Variants in CKAP5 observed in about 807,000 individuals in gnomAD.
CKAP5 encodes the protein cytoskeleton-associated protein 5.
CKAP5 carries 27 observed loss-of-function variants against 232.8 expected under a neutral mutation model. The observed-to-expected ratio is 0.12, with a 90% confidence interval of 0.09 to 0.16. CKAP5 has a LOEUF of 0.16. Ranked by LOEUF, CKAP5 falls within the 10% of genes least tolerant of loss-of-function variation. The pLI, the probability that CKAP5 is intolerant of heterozygous loss-of-function variation, is 1.00. For missense variants in CKAP5, 1,838 were observed against 2,424.7 expected (o/e 0.76, Z 5.08); for synonymous variants, 785 against 841.1 (o/e 0.93, Z 1.16).
chr11:46,754,019 G>A (rs953636750), intron 36 of CKAP5, among the ~76,000 whole-genome samples: 1 of 151,214 alleles, frequency 6.6e-6, no homozygotes, highest in African/African-American at 2.4e-5. Flanking sequence ...TTTTTTTTGA[G>A]ACAGAGTCTT....
chr11:46,762,385 T>C, intron 31 of CKAP5, 192 bp from the exon 32 acceptor site: 1 of 853,066 alleles, frequency 1.2e-6, no homozygotes, highest in Non-Finnish European at 2.0e-6. Context: ...AAGGAAGAGA[T>C]GCCTGTGAGT....
chr11:46,763,812 ATCT>A (rs2065177149), intron 28 of CKAP5, among the ~76,000 whole-genome samples, 182 bp from the exon 29 acceptor site: 1 of 152,200 alleles, frequency 6.6e-6, no homozygotes, highest in African/African-American at 2.4e-5. Flanking sequence ...AACTCTGAAA[ATCT>A]TCTAGGAATA....
intron 1 of CKAP5, among the ~76,000 whole-genome samples, chr11:46,829,859 T>C (rs911487158): frequency 6.6e-6 from 1 of 151,486 alleles, no homozygotes; most frequent in African/African-American, 2.4e-5. Context: ...TGTGTGTGTG[T>C]GTGTGTGTGT....
chr11:46,843,728 GAAA>G (rs11362980), intron 1 of CKAP5, among the ~76,000 whole-genome samples: 16 of 107,538 alleles, frequency 1.5e-4, no homozygotes, highest in Non-Finnish European at 1.9e-4. Context: ...AGATCTGATT[GAAA>G]AAAAAAAAAA....
At position 46,783,266 on chromosome 11, in the gene CKAP5, T is replaced by G. The variant is rs200108598; in HGVS notation, c.2249+8A>C. The G allele has an allele frequency of 1.8e-4, 269 of 1,530,178 alleles. No homozygotes were observed. In the Middle Eastern group the frequency reaches 2.2e-3, roughly 13 times the overall value. 94.8% of individuals were successfully genotyped at this position (1,530,178 alleles called of 1,614,324 possible). On this transcript the variant is annotated splice_region_variant and intron_variant, in intron 18 of 43. Transcript: ENST00000529230. ...AACTATTTTCCACTTGATTTCGTTC[T>G]GACTTACCCAGAAAAACCAAATTCT... is the stretch of plus-strand genomic sequence containing the variant.
At chr11:46,747,074 T>C (rs2065027974) in intron 42 of CKAP5, among the ~76,000 whole-genome samples, 1 of 150,462 alleles carries the variant, frequency 6.6e-6, no homozygotes, top group South Asian at 2.1e-4. Flanking sequence ...GAGGTGGAGG[T>C]TGCAGTGAGC....
chr11:46,801,641 G>A (rs1339978541), intron 8 of CKAP5, among the ~76,000 whole-genome samples: 1 of 151,768 alleles, frequency 6.6e-6, no homozygotes, highest in Admixed American at 6.6e-5. Context: ...TTGCACTCCA[G>A]CCTGGGCAAC....
chr11:46,813,789 T>TG (rs1459918800), intron 4 of CKAP5, among the ~76,000 whole-genome samples: 4 of 152,026 alleles, frequency 2.6e-5, no homozygotes, highest in African/African-American at 9.7e-5. Context: ...AGCTAAAAAA[T>TG]GAAATAACCA....
intron 1 of CKAP5, among the ~76,000 whole-genome samples, chr11:46,825,453 T>G (rs1027761659): frequency 6.6e-6 from 1 of 152,216 alleles, no homozygotes; most frequent in African/African-American, 2.4e-5. Flanking sequence ...TTCCTGTATT[T>G]TGATAGTCTA....
Position 46,760,720 on chromosome 11 carries a change from G to C in CKAP5, c.4286C>G (p.Ala1429Gly), listed in dbSNP as rs528222087. The C allele has an allele frequency of 5.0e-6, 8 of 1,614,208 alleles. No homozygotes were observed. The African/African-American group carries it at 1.1e-4, about 22-fold the overall frequency. The change falls in exon 33 of 44, where the codon GCT becomes GGT. Residue 1429 changes from alanine to glycine, a missense_variant. This residue lies in a region of CKAP5 where 579 missense variants were observed against 843.2 expected (regional missense o/e 0.69). Transcript: ENST00000529230. ...RIKRSAKRPS[A>G]APIKQVEEKP... ...CTCTTCCACCTGTTTTATTGGTGCA[G>C]CAGAGGGTCTCTTTGCTGACCGCTT...
At chr11:46,796,676 C>T (rs1011175320) in intron 12 of CKAP5, 136 bp downstream of exon 12, 75 of 928,246 alleles carry the variant, frequency 8.1e-5, no homozygotes, top group Non-Finnish European at 1.2e-4. Context: ...TTCTTTCCTA[C>T]TATAAATGGC....
chr11:46,797,607 A>T (rs945239823), intron 11 of CKAP5, among the ~76,000 whole-genome samples, 198 bp downstream of exon 11: 1 of 152,236 alleles, frequency 6.6e-6, no homozygotes, highest in Non-Finnish European at 1.5e-5. Flanking sequence ...TAATGGAATC[A>T]TAACACTAAC....
At chr11:46,784,428 C>T in intron 17 of CKAP5, 60 bp downstream of exon 17, 1 of 1,375,624 alleles carries the variant, frequency 7.3e-7, no homozygotes, top group Non-Finnish European at 1.0e-6. Flanking sequence ...AATTAGTAAG[C>T]TTAAAGTTTG....
At chr11:46,791,638 T>TA (rs1306390399) in intron 13 of CKAP5, among the ~76,000 whole-genome samples, 1 of 152,152 alleles carries the variant, frequency 6.6e-6, no homozygotes, top group African/African-American at 2.4e-5. Flanking sequence ...CATGTCACTA[T>TA]ACTCTGGCTT....
chr11:46,796,877 T>C lies in CKAP5; in HGVS notation c.1402A>G (p.Lys468Glu). The change falls in exon 12 of 44, where the codon AAG (lysine) becomes GAG (glutamate). Residue 468 changes from lysine (K) to glutamate (E), a missense_variant. By Grantham distance (56) the Lys-to-Glu change is moderately conservative (BLOSUM62 1). Around this residue, in one of 6 missense-constraint regions of CKAP5, gnomAD observed 767 missense variants for 954.6 expected, o/e 0.80. Coordinates refer to ENST00000529230, the MANE Select transcript of CKAP5 (RefSeq NM_001008938.4). The stretch of plus-strand genomic sequence containing the variant: ...TTTACTGCTTTCTCGCCAACCACCT[T>C]CAAAGCAGTACCCAATGCTTCAAAT... ...AAFEALGTAL[K>E]VVGEKAVNPF... 1 of 1,614,018 alleles carries C rather than the reference T, an allele frequency of 6.2e-7. No individual in the cohort carries two copies.
chr11:46,788,619 C>T, intron 16 of CKAP5, 62 bp downstream of exon 16: 1 of 984,602 alleles, frequency 1.0e-6, no homozygotes, highest in Non-Finnish European at 1.6e-6. Context: ...TGTATTACTC[C>T]ATAGGATGAT....
At chr11:46,843,728 GAAAA>G (rs11362980) in intron 1 of CKAP5, among the ~76,000 whole-genome samples, 4 of 107,554 alleles carry the variant, frequency 3.7e-5, no homozygotes, top group Non-Finnish European at 5.7e-5. Flanking sequence ...AGATCTGATT[GAAAA>G]AAAAAAAAAA....
chr11:46,840,828 C>T lies in CKAP5; in HGVS notation c.-38+5392G>A, dbSNP rs551277472. 7.9e-5 allele frequency among the ~76,000 whole-genome samples: 12 copies of T among 152,100 alleles called. No individual in the cohort carries two copies. In the East Asian group the frequency reaches 9.6e-4, roughly 12 times the overall value. ...CAAACCCAAGGCAGGGAATGGGGGGCGGTATTAGGAATGCCCATTTTTATA... is the reference window on the plus strand; with the variant it reads ...CAAACCCAAGGCAGGGAATGGGGGGTGGTATTAGGAATGCCCATTTTTATA... On this transcript the variant is annotated intron_variant, in intron 1 of 43. Transcript: ENST00000529230.
At chr11:46,827,008 G>A (rs1939674429) in intron 1 of CKAP5, among the ~76,000 whole-genome samples, 1 of 152,222 alleles carries the variant, frequency 6.6e-6, no homozygotes, top group Non-Finnish European at 1.5e-5. Flanking sequence ...CAGGCCTCAG[G>A]CGCTGCTTCT....
Sources: allele counts gnomAD v4.1 joint callset (sites outside exome capture counted in the v4.1 genomes callset), GRCh38; gene constraint gnomAD v4.1.1; regional missense constraint gnomAD v4.1.1; transcripts MANE v1.5; gene names NCBI Gene and HGNC (gene_info 2026-07-23, HGNC 2026-07-21).